The following DNAH6 variants were observed in gnomAD, a reference collection of about 807,000 sequenced individuals.
DNAH6 encodes the protein axonemal beta dynein heavy chain 6.
A neutral mutation model predicts 491.4 loss-of-function variants in DNAH6; 340 were observed. The ratio of observed to expected loss-of-function variants is 0.69; its 90% CI spans 0.63 to 0.76. The LOEUF is 0.76. Among genes scored for constraint, DNAH6 ranks in the 30% least tolerant of loss-of-function variants. The pLI, the probability that DNAH6 is intolerant of heterozygous loss-of-function variation, is 0.00. For missense variants in DNAH6, 4,443 were observed against 4,972.2 expected (o/e 0.89, Z 3.20); for synonymous variants, 1,603 against 1,686.1 (o/e 0.95, Z 1.21).
intron 57 of DNAH6, among the ~76,000 whole-genome samples, chr2:84,713,733 G>A (rs544298036): frequency 1.3e-5 from 2 of 152,316 alleles, no homozygotes; most frequent in East Asian, 1.9e-4. Flanking sequence ...TTACTTAAAT[G>A]TGCAAATGCC....
In DNAH6 at chr2:84,718,210, G is replaced by A. The variant is rs1016230495; in HGVS notation, c.9618G>A (p.Val3206=). Residue 3206 remains valine, a synonymous_variant, in exon 59 of 77, where the codon GTG becomes GTA. Transcript: ENST00000389394. ...SGLEDQLLSD[V]VRLEKPRLEE... is the part of the protein sequence containing the mutation. Reference sequence around the variant, plus strand: ...ATCTGAACTTTGGTTTTAGTGATGTGGTGCGACTTGAAAAACCCAGGTTGG... The same window carrying A: ...ATCTGAACTTTGGTTTTAGTGATGTAGTGCGACTTGAAAAACCCAGGTTGG... 9 of 1,529,376 alleles carry A rather than the reference G, an allele frequency of 5.9e-6. No homozygotes were observed. In the African/African-American group the frequency reaches 9.7e-5, roughly 17 times the overall value. The allele number at this position is 1,529,376 out of a possible 1,614,324, so 94.7% of individuals were successfully genotyped here. A position where few individuals can be genotyped will look rare whatever the true frequency, so the allele number is the denominator to read the frequency against.
intron 43 of DNAH6, among the ~76,000 whole-genome samples, chr2:84,685,675 G>A (rs1054255026): frequency 3.3e-5 from 5 of 151,932 alleles, no homozygotes; most frequent in African/African-American, 1.2e-4. Context: ...GGTCAGTCGG[G>A]CATGGTGGCT....
chr2:84,802,776 C>T (rs1191608910), intron 70 of DNAH6, among the ~76,000 whole-genome samples: 1 of 152,132 alleles, frequency 6.6e-6, no homozygotes, highest in Admixed American at 6.5e-5. Flanking sequence ...CATCTGCACA[C>T]AAAACATACT....
At chr2:84,644,962 T>A (rs1218512400) in intron 33 of DNAH6, among the ~76,000 whole-genome samples, 1 of 152,186 alleles carries the variant, frequency 6.6e-6, no homozygotes, top group Non-Finnish European at 1.5e-5. Flanking sequence ...TACCCAGTAA[T>A]GGGATTGCTG....
intron 63 of DNAH6, among the ~76,000 whole-genome samples, chr2:84,757,197 A>C (rs1674116772): frequency 6.6e-6 from 1 of 152,222 alleles, no homozygotes; most frequent in South Asian, 2.1e-4. Context: ...CACAGGGAGA[A>C]GTTGATCAGT....
chr2:84,640,368 T>A (rs1386642909), intron 31 of DNAH6, 62 bp from the exon 32 acceptor site: 1 of 1,031,376 alleles, frequency 9.7e-7, no homozygotes, highest in African/African-American at 1.6e-5. Flanking sequence ...TATGTTGGTA[T>A]CATGCTAATA....
At chr2:84,722,839 C>G (rs750578144) in intron 60 of DNAH6, 35 bp downstream of exon 60, 5 of 1,280,604 alleles carry the variant, frequency 3.9e-6, no homozygotes, top group Non-Finnish European at 4.2e-6. Context: ...ACAGTCATCT[C>G]TTTGGCCTCC....
chr2:84,785,887 G>C, intron 67 of DNAH6, 131 bp downstream of exon 67: 1 of 965,986 alleles, frequency 1.0e-6, no homozygotes, highest in Non-Finnish European at 1.4e-6. Context: ...CTGAACCCAA[G>C]TTGTTTTCAT....
chr2:84,477,041 G>C, the DNAH6 span, among the ~76,000 whole-genome samples: 1 of 152,270 alleles, frequency 6.6e-6, no homozygotes, highest in Admixed American at 6.5e-5. Flanking sequence ...GGAATGTTGG[G>C]GGCAGGTGGG....
At chr2:84,744,910 T>G (rs1302848432) in intron 62 of DNAH6, among the ~76,000 whole-genome samples, 170 bp from the exon 63 acceptor site, 1 of 152,218 alleles carries the variant, frequency 6.6e-6, no homozygotes, top group East Asian at 1.9e-4. Flanking sequence ...ACATTTTAAA[T>G]TCTTTACTTT....
At chr2:84,594,895 A>G (rs1684431287) in intron 17 of DNAH6, among the ~76,000 whole-genome samples, 1 of 152,192 alleles carries the variant, frequency 6.6e-6, no homozygotes, top group South Asian at 2.1e-4. Context: ...ATAGAAAATA[A>G]AAAACAAATA....
At chr2:84,558,026 T>C (rs185890256) in intron 11 of DNAH6, 91 bp downstream of exon 11, 2 of 870,162 alleles carry the variant, frequency 2.3e-6, no homozygotes, top group East Asian at 5.7e-5. Context: ...TCTTTAAATG[T>C]TCTACATGTG....
At chr2:84,541,041 A>G (rs1028709301) in intron 4 of DNAH6, among the ~76,000 whole-genome samples, 1 of 152,192 alleles carries the variant, frequency 6.6e-6, no homozygotes, top group Non-Finnish European at 1.5e-5. Context: ...AAGGAAGCCT[A>G]CTTTTTCTGA....
At position 84,713,161 on chromosome 2, in the gene DNAH6, C is replaced by T. The variant is rs375347429; in HGVS notation, c.9445C>T (p.Arg3149Ter). 30 of 1,551,604 alleles carry T rather than the reference C, an allele frequency of 1.9e-5. No homozygotes were observed. The highest frequency in any genetic ancestry group is 4.1e-5 in the African/African-American group (3 of 73,040). ...LLKQIFISGGRLLIRLGDSDI... is the reference protein window; with the variant it reads ...LLKQIFISGG ...GAAACAAATTTTTATCAGTGGTGGC[C>T]GACTACTCATCCGTCTTGGAGACTC... Residue 3149 changes from arginine (R) to a stop codon, truncating the protein, a stop_gained, in exon 57 of 77, where the codon CGA becomes TGA. Coordinates refer to ENST00000389394, the MANE Select transcript of DNAH6 (RefSeq NM_001370.2). LOFTEE classifies it high-confidence loss of function.
At position 84,707,608 on chromosome 2, in the gene DNAH6, A is replaced by G; in HGVS notation, c.8940A>G (p.Glu2980=). Residue 2980 remains glutamate, a synonymous_variant, in exon 54 of 77, where the codon GAA becomes GAG. Coordinates refer to ENST00000389394, the MANE Select transcript of DNAH6 (RefSeq NM_001370.2). ...ALEDEQVRWE[E]SIQKFEEEIS... ...AAGATGAGCAGGTTCGATGGGAAGA[A>G]AGCATACAGAAGTTTGAGGAAGAAA... 1 of 1,552,248 alleles carries G rather than the reference A, an allele frequency of 6.4e-7. No homozygotes were observed. The highest frequency in any genetic ancestry group is 2.4e-5 in the East Asian group (1 of 40,930).
At chr2:84,670,742 C>G (rs1692659641) in intron 39 of DNAH6, among the ~76,000 whole-genome samples, 1 of 152,212 alleles carries the variant, frequency 6.6e-6, no homozygotes, top group Non-Finnish European at 1.5e-5. Context: ...CCAGGTTCTT[C>G]CAACATGCAC....
chr2:84,468,714 G>A, the DNAH6 span, among the ~76,000 whole-genome samples: 1 of 152,236 alleles, frequency 6.6e-6, no homozygotes, highest in Non-Finnish European at 1.5e-5. Flanking sequence ...GTGAGCTACA[G>A]CATGGGGCAG....
intron 68 of DNAH6, among the ~76,000 whole-genome samples, chr2:84,788,700 C>G (rs1008842675): frequency 6.6e-6 from 1 of 152,064 alleles, no homozygotes; most frequent in Non-Finnish European, 1.5e-5. Context: ...TTTATCAGGT[C>G]GATTTATTTT....
chr2:84,524,881 C>CT (rs2104428849), intron 2 of DNAH6, among the ~76,000 whole-genome samples: 1 of 152,196 alleles, frequency 6.6e-6, no homozygotes, highest in South Asian at 2.1e-4. Context: ...AACAGCTAGC[C>CT]TTTTCCTTTC....
Sources: gnomAD v4.1 joint callset for allele counts (sites outside exome capture counted in the v4.1 genomes callset) on GRCh38, gnomAD v4.1.1 for gene constraint, MANE v1.5 for transcripts, NCBI Gene and HGNC (gene_info 2026-07-23, HGNC 2026-07-21) for gene names.